FER: variants seen among roughly 807,000 people sequenced by gnomAD.
The protein encoded by FER is tyrosine-protein kinase Fer.
Under a neutral mutation model 111.0 loss-of-function variants are expected in FER, and 63 were observed. That is an observed-to-expected ratio of 0.57 (90% confidence interval 0.46 to 0.70). The LOEUF is 0.70. Among genes scored for constraint, FER ranks in the 30% least tolerant of loss-of-function variants. FER has a pLI of 0.00. For synonymous variants in FER, 327 were observed against 313.9 expected (o/e 1.04, Z -0.44); for missense variants, 914 against 954.0 (o/e 0.96, Z 0.55).
chr5:108,936,460 GTTGTTTATTTCATA>G (rs1215170400), intron 10 of FER, among the ~76,000 whole-genome samples: 2 of 151,852 alleles, frequency 1.3e-5, no homozygotes, highest in Non-Finnish European at 2.9e-5. Context: ...GGTTTATTAT[GTTGTTTATTTCATA>G]TTGATTCTCC....
intron 14 of FER, among the ~76,000 whole-genome samples, chr5:109,039,442 G>T (rs1770850801): frequency 6.6e-6 from 1 of 152,096 alleles, no homozygotes; most frequent in African/African-American, 2.4e-5. Context: ...AGGAGGAGAA[G>T]ATAAACAATA....
Position 109,193,689 on chromosome 5 carries a change from T to G in FER, c.*6114T>G, listed in dbSNP as rs1309534706. 1 of 152,172 alleles carries G rather than the reference T, an allele frequency of 6.6e-6. No individual in the cohort carries two copies. Among genetic ancestry groups the G allele is most frequent in the Non-Finnish European group, 1.5e-5 (1 of 68,022 alleles). The allele number at this position is 152,172 out of a possible 1,614,324, so 9.4% of individuals were successfully genotyped here. A position where few individuals can be genotyped will look rare whatever the true frequency, so the allele number is the denominator to read the frequency against. ...GTGCTAGTTTTTCCAGTATTTGACT[T>G]CTGATTACTATTTCCTTTTCTCATC... On this transcript the variant is annotated 3_prime_UTR_variant, in exon 20 of 20. Coordinates refer to ENST00000281092, the MANE Select transcript of FER (RefSeq NM_005246.4).
At chr5:109,159,035 G>A (rs1217577984) in intron 17 of FER, among the ~76,000 whole-genome samples, 1 of 152,058 alleles carries the variant, frequency 6.6e-6, no homozygotes, top group Non-Finnish European at 1.5e-5. Context: ...AATATAGTAT[G>A]TTTAATCACA....
At chr5:108,924,784 G>GATC in intron 10 of FER, 1 of 1,232,044 alleles carries the variant, frequency 8.1e-7, no homozygotes, top group East Asian at 3.2e-5. Context: ...AGTCCACAGA[G>GATC]ATCAGGTAAG....
chr5:108,903,866 G>A (rs1291512304), intron 10 of FER, among the ~76,000 whole-genome samples: 1 of 152,146 alleles, frequency 6.6e-6, no homozygotes, highest in East Asian at 1.9e-4. Flanking sequence ...GGGTCTAAGT[G>A]TCCTTTCTTA....
chr5:108,782,856 G>C (rs1262922404), intron 2 of FER: 3 of 152,120 alleles, frequency 2.0e-5, no homozygotes, highest in Non-Finnish European at 4.4e-5. Flanking sequence ...CCCCTGTACT[G>C]TTTGTTGAAA....
intron 16 of FER, among the ~76,000 whole-genome samples, chr5:109,093,686 G>T (rs1747113471): frequency 6.6e-6 from 1 of 152,060 alleles, no homozygotes; most frequent in Non-Finnish European, 1.5e-5. Flanking sequence ...AAATTTAAAT[G>T]TATTTGTGGA....
chr5:108,917,246 G>T (rs1752388584), intron 10 of FER, among the ~76,000 whole-genome samples: 1 of 152,020 alleles, frequency 6.6e-6, no homozygotes, highest in African/African-American at 2.4e-5. Context: ...TAACTTAGTG[G>T]TTGCTCATTA....
chr5:109,123,392 A>T (rs1055666666), intron 17 of FER, among the ~76,000 whole-genome samples: 1 of 151,638 alleles, frequency 6.6e-6, no homozygotes, highest in Non-Finnish European at 1.5e-5. Context: ...TCCTGGCCTC[A>T]TGATCCGCCC....
chr5:109,064,157 C>T (rs1422961868), intron 16 of FER, among the ~76,000 whole-genome samples: 1 of 152,218 alleles, frequency 6.6e-6, no homozygotes, highest in African/African-American at 2.4e-5. Flanking sequence ...ATAGTTTAAA[C>T]TGGCCATTCC....
At chr5:108,833,583 T>C (rs1425456395) in intron 4 of FER, among the ~76,000 whole-genome samples, 1 of 151,978 alleles carries the variant, frequency 6.6e-6, no homozygotes, top group African/African-American at 2.4e-5. Flanking sequence ...TTGTTAGAAA[T>C]GTAACTACAG....
At chr5:108,822,019 A>T (rs556993073) in intron 3 of FER, among the ~76,000 whole-genome samples, 4 of 152,214 alleles carry the variant, frequency 2.6e-5, no homozygotes, top group South Asian at 2.1e-4. Flanking sequence ...CTTCACCCCT[A>T]TCCCCTGGCA....
At chr5:109,072,164 A>T (rs1343563565) in intron 16 of FER, among the ~76,000 whole-genome samples, 1 of 151,480 alleles carries the variant, frequency 6.6e-6, no homozygotes, top group Non-Finnish European at 1.5e-5. Flanking sequence ...TACCCTTATG[A>T]CATTTCTGCT....
intron 13 of FER, among the ~76,000 whole-genome samples, chr5:109,006,682 G>A (rs1462280665): frequency 6.6e-6 from 1 of 152,112 alleles, no homozygotes; most frequent in Admixed American, 6.5e-5. Context: ...AAAATAGGAA[G>A]GGTGGGGGGA....
intron 16 of FER, among the ~76,000 whole-genome samples, chr5:109,059,669 A>C (rs1457148692): frequency 2.6e-5 from 4 of 152,222 alleles, no homozygotes; most frequent in African/African-American, 9.6e-5. Context: ...AGTGGTGAAG[A>C]GTGGAGCTCT....
intron 17 of FER, among the ~76,000 whole-genome samples, chr5:109,126,838 A>G (rs1751790769): frequency 1.3e-5 from 2 of 152,234 alleles, no homozygotes; most frequent in Admixed American, 1.3e-4. Flanking sequence ...GGTAAAGTGT[A>G]AAGAATAAAC....
intron 17 of FER, among the ~76,000 whole-genome samples, chr5:109,172,505 G>GGGGGAGA: frequency 2.3e-5 from 2 of 85,914 alleles, no homozygotes; most frequent in Admixed American, 1.4e-4. Context: ...GAGGGGGGAG[G>GGGGGAGA]GATAGCATTA....
intron 2 of FER, among the ~76,000 whole-genome samples, chr5:108,768,955 G>A (rs1194729398): frequency 1.3e-5 from 2 of 151,976 alleles, no homozygotes; most frequent in Non-Finnish European, 1.5e-5. Flanking sequence ...CTCCCAAGTA[G>A]CTGGGATTAC....
chr5:108,939,595 A>C (rs1366037980), intron 10 of FER, among the ~76,000 whole-genome samples: 1 of 152,100 alleles, frequency 6.6e-6, no homozygotes, highest in Non-Finnish European at 1.5e-5. Flanking sequence ...AGAGAGGCTG[A>C]GGATGGGACA....
Sources: gnomAD v4.1 joint callset for allele counts (sites outside exome capture counted in the v4.1 genomes callset) on GRCh38, gnomAD v4.1.1 for gene constraint, MANE v1.5 for transcripts, NCBI Gene and HGNC (gene_info 2026-07-23, HGNC 2026-07-21) for gene names.